The following PITPNM2 variants were observed in gnomAD, a reference collection of about 807,000 sequenced individuals.
PITPNM2 encodes phosphatidylinositol transfer protein membrane associated 2.
In PITPNM2, 35 loss-of-function variants were observed where a neutral mutation model predicts 132.2. That is an observed-to-expected ratio of 0.26 (90% CI 0.20 to 0.35). The LOEUF is 0.35. Among genes scored for constraint, PITPNM2 ranks in the 10% least tolerant of loss-of-function variants. PITPNM2 has a pLI of 1.00. For missense variants in PITPNM2, 1,332 were observed against 1,912.0 expected, an observed-to-expected ratio of 0.70 and a Z score of 5.66; for synonymous variants, 738 against 799.2, an observed-to-expected ratio of 0.92 and a Z score of 1.29.
intron 2 of PITPNM2, among the ~76,000 whole-genome samples, chr12:123,068,354 A>G (rs1439288949): frequency 6.6e-6 from 1 of 152,130 alleles, no homozygotes; most frequent in Non-Finnish European, 1.5e-5. Context: ...AGGCTGAGGC[A>G]GGAGAATGGC....
intron 16 of PITPNM2, among the ~76,000 whole-genome samples, chr12:122,991,159 C>G (rs1457952021): frequency 6.6e-6 from 1 of 152,216 alleles, no homozygotes; most frequent in African/African-American, 2.4e-5. Context: ...ATGCAGAGCA[C>G]AGAGAGAGGC....
At position 123,064,771 on chromosome 12, in the gene PITPNM2, A is replaced by G. The variant is rs1324817090; in HGVS notation, c.-95-30086T>C. On this transcript the variant is annotated intron_variant, in intron 2 of 25. Coordinates refer to ENST00000320201, the MANE Select transcript of PITPNM2 (RefSeq NM_020845.3). The surrounding 1 kb of genome is among the most constrained non-coding windows in gnomAD (Gnocchi z 4.0). ...CTGCAAAAAAAAGCTAGTGGGAAACAAACAACACAATGAATCAGATGCAGC... is the reference window on the plus strand; with the variant it reads ...CTGCAAAAAAAAGCTAGTGGGAAACGAACAACACAATGAATCAGATGCAGC... 6.6e-6 allele frequency among the ~76,000 whole-genome samples: 1 copy of G among 152,236 alleles called. No homozygotes were observed. The highest frequency in any genetic ancestry group is 1.9e-4 in the East Asian group (1 of 5,198).
chr12:123,128,264 CAAAAAAAAAAAAAAAAAAAAAAAAAA>C (rs1170397011), intron 1 of PITPNM2, among the ~76,000 whole-genome samples: 3 of 22,732 alleles, frequency 1.3e-4, no homozygotes, highest in African/African-American at 4.5e-4. Flanking sequence ...CCCATCTCTA[CAAAAAAAAAAAAAAAAAAAAAAAAAA>C]AAAAAAAAAA....
intron 13 of PITPNM2, among the ~76,000 whole-genome samples, 169 bp from the exon 14 acceptor site, chr12:122,995,829 C>T (rs578034878): frequency 1.4e-3 from 214 of 152,360 alleles, no homozygotes; most frequent in African/African-American, 5.0e-3. Context: ...TCCTCCCACC[C>T]ACCAGCCACC....
At chr12:123,024,673 A>G (rs2039790904) in intron 3 of PITPNM2, among the ~76,000 whole-genome samples, 6 of 152,224 alleles carry the variant, frequency 3.9e-5, no homozygotes, top group Admixed American at 3.9e-4. Context: ...CCAGACACAA[A>G]AGGACACATA....
At chr12:123,104,452 A>G (rs922962859) in intron 2 of PITPNM2, among the ~76,000 whole-genome samples, 1 of 152,216 alleles carries the variant, frequency 6.6e-6, no homozygotes, top group Non-Finnish European at 1.5e-5. Context: ...AGAAGTATAA[A>G]TGGCCGGTCC....
chr12:123,043,559 C>T (rs981922093), intron 2 of PITPNM2, among the ~76,000 whole-genome samples: 2 of 152,226 alleles, frequency 1.3e-5, no homozygotes, highest in African/African-American at 4.8e-5. Context: ...CCTGGAGTGC[C>T]AAGCTGGGGC....
At chr12:123,129,190 A>C (rs2043209920) in intron 1 of PITPNM2, among the ~76,000 whole-genome samples, 1 of 151,930 alleles carries the variant, frequency 6.6e-6, no homozygotes. Flanking sequence ...AGTCCCAACT[A>C]CTCGGCAGGC....
rs776669891 is a variant in PITPNM2, at chr12:123,023,335, C to T, written c.79-9293G>A. The stretch of plus-strand genomic sequence containing the variant: ...TGTGTGTGCATGCAGGAGCCAAGGC[C>T]CATGGATTCAGGGCTCTTCTGGGTG... On this transcript the variant is annotated intron_variant, in intron 3 of 25. Coordinates refer to ENST00000320201, the MANE Select transcript of PITPNM2 (RefSeq NM_020845.3). The surrounding 1 kb of genome is among the most constrained non-coding windows in gnomAD (Gnocchi z 4.8). 2.0e-4 allele frequency among the ~76,000 whole-genome samples: 31 copies of T among 152,156 alleles called. No individual in the cohort carries two copies. The highest frequency in any genetic ancestry group is 3.8e-4 in the Non-Finnish European group (26 of 68,028).
chr12:123,038,816 C>T (rs1253728058), intron 2 of PITPNM2, among the ~76,000 whole-genome samples: 1 of 151,932 alleles, frequency 6.6e-6, no homozygotes, highest in Non-Finnish European at 1.5e-5. Context: ...AAATAATTAC[C>T]TGGCCGGGCA....
chr12:123,021,772 G>T (rs1398681652), intron 3 of PITPNM2: 1 of 900,870 alleles, frequency 1.1e-6, no homozygotes, highest in Non-Finnish European at 1.3e-6. Flanking sequence ...CAAATGTCTG[G>T]GTACAAACCC....
chr12:123,051,800 G>A (rs2040863937), intron 2 of PITPNM2, among the ~76,000 whole-genome samples: 1 of 152,180 alleles, frequency 6.6e-6, no homozygotes, highest in Non-Finnish European at 1.5e-5. Context: ...ATTTGCTCCA[G>A]CAAATGCCTG....
chr12:123,127,495 T>G (rs2043164449), intron 1 of PITPNM2, among the ~76,000 whole-genome samples: 1 of 151,142 alleles, frequency 6.6e-6, no homozygotes, highest in Non-Finnish European at 1.5e-5. Flanking sequence ...TACTGTCTTA[T>G]TCTAATTAAT....
chr12:123,008,259 G>A lies in PITPNM2; in HGVS notation c.643+1591C>T, dbSNP rs1359892036. Among the ~76,000 whole-genome samples, 1 of 152,174 alleles carries A rather than the reference G, an allele frequency of 6.6e-6. No individual in the cohort carries two copies. Among genetic ancestry groups the A allele is most frequent in the African/African-American group, 2.4e-5 (1 of 41,432 alleles). Reference sequence around the variant, plus strand: ...GATCTCAGCTGCTGGGTAGGGCTAGGGAGAGCCAAGCAGACCCACAGAGCC... The same window carrying A: ...GATCTCAGCTGCTGGGTAGGGCTAGAGAGAGCCAAGCAGACCCACAGAGCC... On this transcript the variant is annotated intron_variant, in intron 6 of 25. Transcript: ENST00000320201. This position sits in a 1 kb window ranked among gnomAD's most constrained non-coding sequence, Gnocchi z 4.1.
rs1488251335 is a variant in PITPNM2, at chr12:122,985,769, A to G, written c.*258T>C. 11 of 388,750 alleles carry G rather than the reference A, an allele frequency of 2.8e-5. No homozygotes were observed. The highest frequency in any genetic ancestry group is 4.2e-5 in the African/African-American group (2 of 47,704). 24.1% of individuals were successfully genotyped at this position (388,750 alleles called of 1,614,324 possible). A position where few individuals can be genotyped will look rare whatever the true frequency, so the allele number is the denominator to read the frequency against. On this transcript the variant is annotated 3_prime_UTR_variant, in exon 26 of 26. Coordinates refer to ENST00000320201, the MANE Select transcript of PITPNM2 (RefSeq NM_020845.3). ...AATGTCTGGGAGAACCTCCCGGGCC[A>G]GTCTGAGTGGGAGGTTCTGGTCCCT...
rs970025257 is a variant in PITPNM2 at position 122,985,558 on chromosome 12, G to C, written c.*469C>G. The C allele has an allele frequency of 1.1e-4, 17 of 158,478 alleles. No homozygotes were observed. The highest frequency in any genetic ancestry group is 3.8e-4 in the African/African-American group (16 of 41,678). The allele number at this position is 158,478 out of a possible 1,614,324, so 9.8% of individuals were successfully genotyped here. On this transcript the variant is annotated 3_prime_UTR_variant, in exon 26 of 26. Coordinates refer to ENST00000320201, the MANE Select transcript of PITPNM2 (RefSeq NM_020845.3). The stretch of plus-strand genomic sequence containing the variant: ...AATGGGTCTCCGCTCTCAAAAATCA[G>C]TGCAAAACCAGTGAGGTTGAACAGT...
At chr12:123,063,481 G>A (rs900962355) in intron 2 of PITPNM2, among the ~76,000 whole-genome samples, 8 of 152,216 alleles carry the variant, frequency 5.3e-5, no homozygotes, top group South Asian at 2.1e-4. Flanking sequence ...GTTCTGTGAC[G>A]TTGCTTAAAT....
At chr12:123,066,797 GA>G (rs200309259) in intron 2 of PITPNM2, among the ~76,000 whole-genome samples, 12,305 of 152,124 alleles carry the variant, frequency 0.081, 758 homozygotes, top group Non-Finnish European at 0.12. Flanking sequence ...CTGCCTACTG[GA>G]CCCCCTCGGC....
intron 2 of PITPNM2, among the ~76,000 whole-genome samples, chr12:123,043,636 T>G (rs1470959322): frequency 6.6e-6 from 1 of 152,204 alleles, no homozygotes; most frequent in Non-Finnish European, 1.5e-5. Flanking sequence ...GGGGGCACCG[T>G]GGGGCTTGCA....
Sources: gnomAD v4.1 joint callset for allele counts (sites outside exome capture counted in the v4.1 genomes callset) on GRCh38, gnomAD v4.1.1 for gene constraint, Gnocchi (gnomAD v3.1) non-coding constraint, MANE v1.5 for transcripts, NCBI Gene and HGNC (gene_info 2026-07-23, HGNC 2026-07-21) for gene names.